FBXO42: variants seen among roughly 807,000 people sequenced by gnomAD.
FBXO42 encodes F-box only protein 42.
Under a neutral mutation model 71.7 loss-of-function variants are expected in FBXO42, and 12 were observed. That is an observed-to-expected ratio of 0.17 (90% CI 0.11 to 0.27). The LOEUF (loss-of-function observed/expected upper bound fraction) is 0.27. FBXO42 is among the 10% of genes least tolerant of loss of function. The probability of loss-of-function intolerance (pLI) is 1.00; values close to 1 mark genes in which losing one functional copy is unlikely to be tolerated. For missense variants in FBXO42, 707 were observed against 911.9 expected (o/e 0.78, Z 2.89); for synonymous variants, 325 against 327.5 (o/e 0.99, Z 0.08).
chr1:16,268,729 C>G (rs966118040), intron 4 of FBXO42, among the ~76,000 whole-genome samples: 1 of 152,026 alleles, frequency 6.6e-6, no homozygotes, highest in African/African-American at 2.4e-5. Flanking sequence ...TTTGGGAGGT[C>G]GAGGCAGGCA....
At chr1:16,280,638 A>T (rs932427502) in intron 4 of FBXO42, among the ~76,000 whole-genome samples, 5 of 152,120 alleles carry the variant, frequency 3.3e-5, no homozygotes, top group Non-Finnish European at 5.9e-5. Context: ...AAAATAAAAC[A>T]CTATGTTAGC....
intron 1 of FBXO42, among the ~76,000 whole-genome samples, chr1:16,317,400 G>T (rs1481404566): frequency 1.3e-5 from 2 of 149,858 alleles, no homozygotes; most frequent in African/African-American, 4.9e-5. Context: ...GGGCAATAGA[G>T]TGAGATCGTC....
intron 1 of FBXO42, among the ~76,000 whole-genome samples, chr1:16,349,046 C>G (rs1360291719): frequency 1.3e-5 from 2 of 152,090 alleles, no homozygotes; most frequent in African/African-American, 4.8e-5. Context: ...AAGGTTTTCC[C>G]AAGACTGCTG....
At chr1:16,261,625 C>A (rs1217592263) in intron 4 of FBXO42, among the ~76,000 whole-genome samples, 1 of 152,114 alleles carries the variant, frequency 6.6e-6, no homozygotes, top group Non-Finnish European at 1.5e-5. Context: ...CATACAAGAA[C>A]AAATGAGGTG....
At chr1:16,334,318 A>T (rs1051533230) in intron 1 of FBXO42, among the ~76,000 whole-genome samples, 8 of 151,028 alleles carry the variant, frequency 5.3e-5, no homozygotes, top group African/African-American at 1.7e-4. Flanking sequence ...CTGTAGTCCC[A>T]GCTACTCGGG....
intron 1 of FBXO42, among the ~76,000 whole-genome samples, chr1:16,340,108 G>A (rs539582866): frequency 7.4e-4 from 113 of 151,946 alleles, no homozygotes; most frequent in African/African-American, 2.5e-3. Context: ...CCCGGGATGC[G>A]GAGCTTGCAA....
chr1:16,333,444 C>CG (rs1427008429), intron 1 of FBXO42, among the ~76,000 whole-genome samples: 26 of 138,428 alleles, frequency 1.9e-4, no homozygotes, highest in Non-Finnish European at 2.6e-4. Flanking sequence ...AGACCCCCCC[C>CG]CCCCATTTCC....
intron 4 of FBXO42, among the ~76,000 whole-genome samples, chr1:16,279,872 A>T (rs1164646030): frequency 3.4e-5 from 1 of 29,182 alleles, no homozygotes; most frequent in Non-Finnish European, 7.6e-5. Context: ...TTTGAGACAG[A>T]GTCTTGCTTT....
At chr1:16,300,993 G>A (rs1356099450) in intron 3 of FBXO42, among the ~76,000 whole-genome samples, 1 of 148,234 alleles carries the variant, frequency 6.7e-6, no homozygotes, top group African/African-American at 2.5e-5. Flanking sequence ...CTGCCTCCCA[G>A]GTTCAAGCGA....
chr1:16,285,560 C>A (rs1175895522), intron 4 of FBXO42, among the ~76,000 whole-genome samples: 1 of 152,176 alleles, frequency 6.6e-6, no homozygotes, highest in African/African-American at 2.4e-5. Flanking sequence ...GCATGAGACA[C>A]CATGCCCATC....
intron 3 of FBXO42, among the ~76,000 whole-genome samples, chr1:16,303,843 T>C (rs2082222218): frequency 6.6e-6 from 1 of 152,152 alleles, no homozygotes; most frequent in African/African-American, 2.4e-5. Flanking sequence ...CCCCCTGGAT[T>C]CACGCCATTC....
chr1:16,339,821 G>A (rs1267765729), intron 1 of FBXO42, among the ~76,000 whole-genome samples: 1 of 152,174 alleles, frequency 6.6e-6, no homozygotes, highest in African/African-American at 2.4e-5. Context: ...CAAGCACGGT[G>A]GCTCACACCT....
chr1:16,299,914 A>AT (rs1481772336), intron 3 of FBXO42, among the ~76,000 whole-genome samples: 1 of 152,194 alleles, frequency 6.6e-6, no homozygotes, highest in African/African-American at 2.4e-5. Context: ...AAGTGCTGGG[A>AT]TTACAGGCGT....
intron 4 of FBXO42, among the ~76,000 whole-genome samples, chr1:16,263,318 G>A (rs760978351): frequency 6.6e-6 from 1 of 151,858 alleles, no homozygotes; most frequent in Non-Finnish European, 1.5e-5. Context: ...GTGGTGGCAG[G>A]TGCCTTGTAG....
chr1:16,312,844 G>A (rs1174643780), intron 2 of FBXO42, among the ~76,000 whole-genome samples: 3 of 149,796 alleles, frequency 2.0e-5, no homozygotes, highest in Non-Finnish European at 4.4e-5. Flanking sequence ...ATCCAGACTC[G>A]AGTGCAGTGG....
chr1:16,265,677 A>G (rs1368514656), intron 4 of FBXO42, among the ~76,000 whole-genome samples: 2 of 152,008 alleles, frequency 1.3e-5, no homozygotes, highest in Admixed American at 1.3e-4. Context: ...AAAAAGGCAA[A>G]TTCCATGTTC....
chr1:16,348,730 G>T (rs2082674661), intron 1 of FBXO42, among the ~76,000 whole-genome samples: 1 of 152,018 alleles, frequency 6.6e-6, no homozygotes, highest in African/African-American at 2.4e-5. Flanking sequence ...AGAAAGTTTA[G>T]TGTAATTCTC....
At chr1:16,268,808 G>C (rs540050329) in intron 4 of FBXO42, among the ~76,000 whole-genome samples, 1 of 151,708 alleles carries the variant, frequency 6.6e-6, no homozygotes, top group Non-Finnish European at 1.5e-5. Flanking sequence ...TACTAAAAAC[G>C]AACAAACAAA....
chr1:16,260,208 GC>G (rs2081696183), intron 4 of FBXO42, among the ~76,000 whole-genome samples: 2 of 122,922 alleles, frequency 1.6e-5, no homozygotes, highest in South Asian at 5.0e-4. Context: ...GTACTATGCA[GC>G]TTTTTTTTTT....
Sources: gnomAD v4.1 joint callset for allele counts (sites outside exome capture counted in the v4.1 genomes callset) on GRCh38, gnomAD v4.1.1 for gene constraint, MANE v1.5 for transcripts, NCBI Gene and HGNC (gene_info 2026-07-23, HGNC 2026-07-21) for gene names.